PRPF4: variants seen among roughly 807,000 people sequenced by gnomAD.
PRPF4 encodes pre-mRNA splicing tri-snRNP complex factor PRPF4, also known as U4/U6 small nuclear ribonucleoprotein Prp4.
PRPF4 carries 14 observed loss-of-function variants against 72.2 expected under a neutral mutation model. That is an observed-to-expected ratio of 0.19 (90% CI 0.13 to 0.30). The LOEUF is 0.30. PRPF4 is among the 10% of genes least tolerant of loss of function. The pLI is 1.00. For missense variants in PRPF4, 478 were observed against 653.9 expected (o/e 0.73, Z 2.93); for synonymous variants, 225 against 232.2 (o/e 0.97, Z 0.28).
Position 113,283,446 on chromosome 9 carries a change from G to A in PRPF4, c.618G>A (p.Arg206=). The A allele has an allele frequency of 6.2e-7, 1 of 1,614,098 alleles. No homozygotes were observed. Among genetic ancestry groups the A allele is most frequent in the African/African-American group, 1.3e-5 (1 of 75,024 alleles). Residue 206 remains arginine (R), a synonymous_variant, in exon 6 of 14, where the codon AGG becomes AGA. Coordinates refer to ENST00000374198, the MANE Select transcript of PRPF4 (RefSeq NM_001244926.2). ...ATAAGGAGATTCCTGAGACAACAAG[G>A]ACCTCCCAGATGCAAGAGCTGCACA... is the stretch of plus-strand genomic sequence containing the variant. The part of the protein sequence containing the change: ...RLHKEIPETT[R]TSQMQELHKS...
chr9:113,286,223 A>G lies in PRPF4; in HGVS notation c.750-9A>G. 1 of 1,613,984 alleles carries G rather than the reference A, an allele frequency of 6.2e-7. No individual in the cohort carries two copies. On this transcript the variant is annotated splice_polypyrimidine_tract_variant and intron_variant, in intron 7 of 13. Transcript: ENST00000374198. ...CCCTGGCTGAGATGCTTTCCTTTGT[A>G]TTTGATAGGAGTGGGCTTTGCAAGC...
chr9:113,288,888 T>C (rs1832529167), intron 10 of PRPF4, among the ~76,000 whole-genome samples: 2 of 152,246 alleles, frequency 1.3e-5, no homozygotes, highest in Admixed American at 1.3e-4. Flanking sequence ...TAGAGAACTT[T>C]TCCATTAAGT....
intron 11 of PRPF4, 45 bp downstream of exon 11, chr9:113,290,633 C>G (rs767756784): frequency 3.1e-6 from 5 of 1,614,108 alleles, no homozygotes; most frequent in Middle Eastern, 1.6e-4. Context: ...GTACTCTCAC[C>G]TCTTACCTAT....
intron 10 of PRPF4, among the ~76,000 whole-genome samples, chr9:113,288,964 G>A (rs573468547): frequency 2.6e-5 from 4 of 152,190 alleles, no homozygotes; most frequent in African/African-American, 7.2e-5. Context: ...TTACAAACGC[G>A]TACCATTCCT....
chr9:113,281,821 T>A (rs886524588), intron 3 of PRPF4, among the ~76,000 whole-genome samples: 6 of 152,208 alleles, frequency 3.9e-5, no homozygotes, highest in Non-Finnish European at 8.8e-5. Flanking sequence ...CTTAGTTAGA[T>A]GCCCGTTACA....
In PRPF4 at chr9:113,284,375, G is replaced by A; in HGVS notation, c.735G>A (p.Leu245=). 6.2e-7 allele frequency: 1 copy of A among 1,611,088 alleles called. No individual in the cohort carries two copies. Among genetic ancestry groups the A allele is most frequent in the Admixed American group, 1.7e-5 (1 of 60,018 alleles). Residue 245 remains leucine, a synonymous_variant, in exon 7 of 14, where the codon CTG becomes CTA. Coordinates refer to ENST00000374198, the MANE Select transcript of PRPF4 (RefSeq NM_001244926.2). The part of the protein sequence containing the change: ...YCHFSPNSKM[L]ATACWSGLCK... Reference sequence around the variant, plus strand: ...ACTTTAGTCCCAATTCCAAGATGCTGGCCACAGCTTGTTGGTAAGTTCCAT... The same window carrying A: ...ACTTTAGTCCCAATTCCAAGATGCTAGCCACAGCTTGTTGGTAAGTTCCAT...
chr9:113,277,827 C>T (rs1312242761), intron 2 of PRPF4, among the ~76,000 whole-genome samples: 1 of 152,032 alleles, frequency 6.6e-6, no homozygotes, highest in African/African-American at 2.4e-5. Context: ...ATAGTGATAC[C>T]CCATCTCTAC....
chr9:113,279,243 C>T, intron 3 of PRPF4, 112 bp downstream of exon 3: 1 of 985,202 alleles, frequency 1.0e-6, no homozygotes, highest in Non-Finnish European at 1.5e-6. Flanking sequence ...ATCATGTTAA[C>T]AATATCTTAC....
chr9:113,283,114 T>C lies in PRPF4; in HGVS notation c.481-18T>C, dbSNP rs1451501248. The C allele has an allele frequency of 1.9e-6, 3 of 1,614,208 alleles. No individual in the cohort carries two copies. In the South Asian group the frequency reaches 3.3e-5, roughly 18 times the overall value. On this transcript the variant is annotated intron_variant, in intron 4 of 13. Transcript: ENST00000374198. ...AATGCTTCAGATTTGACCTTTCTGC[T>C]CTTAATTTGCCTTTCAGTATCAGCA... is the stretch of plus-strand genomic sequence containing the variant.
intron 9 of PRPF4, 73 bp downstream of exon 9, chr9:113,286,901 T>G (rs1196360249): frequency 6.2e-7 from 1 of 1,604,934 alleles, no homozygotes; most frequent in African/African-American, 1.3e-5. Flanking sequence ...CCCCAGGACC[T>G]CAGTAAAAAT....
chr9:113,283,080 G>A (rs1434474598), intron 4 of PRPF4, 52 bp from the exon 5 acceptor site: 1 of 1,612,246 alleles, frequency 6.2e-7, no homozygotes, highest in African/African-American at 1.3e-5. Context: ...ACAGTTATAA[G>A]AGGAGTAGAA....
chr9:113,285,623 C>T (rs1313761776), intron 7 of PRPF4, among the ~76,000 whole-genome samples: 1 of 151,552 alleles, frequency 6.6e-6, no homozygotes, highest in Non-Finnish European at 1.5e-5. Flanking sequence ...TGTGATCTGC[C>T]CGCCTTGGCC....
rs1252855613 is a variant in PRPF4 at position 113,291,772 on chromosome 9, A to G, written c.*112A>G. On this transcript the variant is annotated 3_prime_UTR_variant, in exon 14 of 14. Coordinates refer to ENST00000374198, the MANE Select transcript of PRPF4 (RefSeq NM_001244926.2). Reference sequence around the variant, plus strand: ...TCATGTTTTCTGCCAATTACCATGCATAGACCCTCAGTAGAATTGGATTTC... The same window carrying G: ...TCATGTTTTCTGCCAATTACCATGCGTAGACCCTCAGTAGAATTGGATTTC... 26 of 1,061,664 alleles carry G rather than the reference A, an allele frequency of 2.4e-5. No homozygotes were observed. The highest frequency in any genetic ancestry group is 5.2e-5 in the Admixed American group (2 of 38,684). The allele number at this position is 1,061,664 out of a possible 1,614,324, so 65.8% of individuals were successfully genotyped here.
chr9:113,288,134 A>G (rs747302023), intron 9 of PRPF4, 41 bp from the exon 10 acceptor site: 1 of 1,587,810 alleles, frequency 6.3e-7, no homozygotes, highest in Admixed American at 1.7e-5. Flanking sequence ...GTGACTATTT[A>G]TATGTCTATA....
At position 113,290,470 on chromosome 9, in the gene PRPF4, G is replaced by A; in HGVS notation, c.1027G>A (p.Asp343Asn). Residue 343 changes from aspartate (D) to asparagine (N), a missense_variant, in exon 11 of 14, where the codon GAC becomes AAC. Asp to Asn is a conservative substitution (Grantham distance 23). Transcript: ENST00000374198. ...SGRFLGTTCY[D>N]RSWRLWDLEA... is the part of the protein sequence containing the mutation. ...GTTAGTGTGATTTGGTTTTAGCTAT[G>A]ACCGTTCATGGCGCTTATGGGATTT... The A allele has an allele frequency of 6.2e-7, 1 of 1,614,128 alleles. No individual in the cohort carries two copies. The highest frequency in any genetic ancestry group is 8.5e-7 in the Non-Finnish European group (1 of 1,180,016).
chr9:113,282,868 A>G, intron 4 of PRPF4, 135 bp downstream of exon 4: 1 of 969,694 alleles, frequency 1.0e-6, no homozygotes, highest in South Asian at 1.7e-5. Flanking sequence ...ATTCAAGAAG[A>G]GTTGCTGGCA....
chr9:113,284,154 C>A, intron 6 of PRPF4, 141 bp from the exon 7 acceptor site: 2 of 590,696 alleles, frequency 3.4e-6, no homozygotes, highest in Admixed American at 3.0e-5. Context: ...CTTCTAACAG[C>A]AGCAACAAAA....
In PRPF4 at chr9:113,284,304, A is replaced by G. The variant is rs755622308; in HGVS notation, c.664A>G (p.Asn222Asp). 6.2e-7 allele frequency: 1 copy of G among 1,609,088 alleles called. No individual in the cohort carries two copies. Among genetic ancestry groups the G allele is most frequent in the Non-Finnish European group, 8.5e-7 (1 of 1,175,532 alleles). The part of the protein sequence containing the change: ...ELHKSLRSLN[N>D]FCSQIGDDRP... ...TTTTTTTCTTTTTAAGTCTTTGAAT[A>G]ATTTTTGCAGTCAGATTGGGGATGA... Residue 222 changes from asparagine to aspartate, a missense_variant, in exon 7 of 14, where the codon AAT becomes GAT. Physicochemically the swap from Asn to Asp is conservative, Grantham distance 23. Coordinates refer to ENST00000374198, the MANE Select transcript of PRPF4 (RefSeq NM_001244926.2).
At chr9:113,286,557 T>C in intron 8 of PRPF4, 148 bp from the exon 9 acceptor site, 1 of 1,237,384 alleles carries the variant, frequency 8.1e-7, no homozygotes. Context: ...AAAAATGTAA[T>C]TTAAATATTA....
Sources: gnomAD v4.1 joint callset for allele counts (sites outside exome capture counted in the v4.1 genomes callset) on GRCh38, gnomAD v4.1.1 for gene constraint, MANE v1.5 for transcripts, NCBI Gene and HGNC (gene_info 2026-07-23, HGNC 2026-07-21) for gene names.